Variants in SESN2 observed in about 807,000 individuals in gnomAD.
The protein encoded by SESN2 is sestrin 2.
A neutral mutation model predicts 56.0 loss-of-function variants in SESN2; 42 were observed. The observed-to-expected ratio is 0.75, with a 90% confidence interval of 0.59 to 0.97. The LOEUF (loss-of-function observed/expected upper bound fraction) is 0.97, where lower values mean the gene tolerates loss of function less well. SESN2 is among the 50% of genes least tolerant of loss of function. The pLI is 0.00. For missense variants in SESN2, 507 were observed against 649.4 expected, an observed-to-expected ratio of 0.78 and a Z score of 2.38; for synonymous variants, 264 against 267.1, an observed-to-expected ratio of 0.99 and a Z score of 0.11.
intron 5 of SESN2, 87 bp from the exon 6 acceptor site, chr1:28,273,271 A>C: frequency 1.5e-6 from 2 of 1,312,138 alleles, no homozygotes; most frequent in Non-Finnish European, 2.0e-6. Flanking sequence ...GAGCATTAGG[A>C]AGGCCTGGCC....
chr1:28,273,596 G>A, intron 6 of SESN2, 88 bp downstream of exon 6: 1 of 1,290,282 alleles, frequency 7.8e-7, no homozygotes. Flanking sequence ...CATTCCAGAG[G>A]CAGCCACTTC....
intron 6 of SESN2, 75 bp downstream of exon 6, chr1:28,273,583 C>A: frequency 7.3e-7 from 1 of 1,366,402 alleles, no homozygotes. Context: ...GAGCCACCTC[C>A]TGCATTCCAG....
At chr1:28,270,025 C>T (rs1179073961) in intron 2 of SESN2, among the ~76,000 whole-genome samples, 1 of 152,126 alleles carries the variant, frequency 6.6e-6, no homozygotes, top group Non-Finnish European at 1.5e-5. Context: ...AACTAGTTTC[C>T]TCATTTTATT....
At chr1:28,273,536 C>T (rs757289605) in intron 6 of SESN2, 28 bp downstream of exon 6, 11 of 1,533,184 alleles carry the variant, frequency 7.2e-6, no homozygotes, top group East Asian at 4.6e-5. Flanking sequence ...TCCAGGCTCC[C>T]GTGGCTGCTC....
chr1:28,263,209 C>G (rs1647441613), intron 1 of SESN2, among the ~76,000 whole-genome samples: 1 of 152,162 alleles, frequency 6.6e-6, no homozygotes, highest in Non-Finnish European at 1.5e-5. Flanking sequence ...CTGAATTGTG[C>G]CCATTTGGAA....
At chr1:28,275,226 T>A (rs1647989603) in intron 8 of SESN2, among the ~76,000 whole-genome samples, 3 of 152,162 alleles carry the variant, frequency 2.0e-5, no homozygotes, top group Admixed American at 2.0e-4. Context: ...GAGATAATTA[T>A]TGTTTGATAT....
Position 28,281,260 on chromosome 1 carries a change from T to G in SESN2, c.*458T>G. 6.3e-6 allele frequency: 1 copy of G among 157,636 alleles called. No homozygotes were observed. Among genetic ancestry groups the G allele is most frequent in the Non-Finnish European group, 1.4e-5 (1 of 71,390 alleles). The allele number at this position is 157,636 out of a possible 1,614,324, so 9.8% of individuals were successfully genotyped here. The stretch of plus-strand genomic sequence containing the variant: ...ATTTCCAGATTTCATTACCTCCTAC[T>G]TGCCATTCACCCATCAATGTGAAAG... On this transcript the variant is annotated 3_prime_UTR_variant, in exon 10 of 10. Transcript: ENST00000253063.
chr1:28,260,663 T>G (rs1647342821), intron 1 of SESN2, among the ~76,000 whole-genome samples: 1 of 151,870 alleles, frequency 6.6e-6, no homozygotes, highest in Non-Finnish European at 1.5e-5. Flanking sequence ...AAGTTTGTTT[T>G]CCAGAAATTC....
At chr1:28,275,429 C>T (rs913437773) in intron 8 of SESN2, among the ~76,000 whole-genome samples, 2 of 152,040 alleles carry the variant, frequency 1.3e-5, no homozygotes, top group African/African-American at 2.4e-5. Flanking sequence ...AATAATGATA[C>T]GTCTATTCAG....
chr1:28,273,223 G>A (rs1030349235), intron 5 of SESN2, 135 bp from the exon 6 acceptor site: 2 of 784,210 alleles, frequency 2.6e-6, no homozygotes, highest in Middle Eastern at 3.9e-4. Flanking sequence ...GTGCTGTCCA[G>A]CACAGTGGCT....
intron 2 of SESN2, among the ~76,000 whole-genome samples, chr1:28,271,202 C>T (rs962214301): frequency 1.2e-4 from 18 of 152,056 alleles, no homozygotes; most frequent in Non-Finnish European, 1.9e-4. Context: ...TGAAATCACG[C>T]GGAGAAAACT....
At chr1:28,271,619 C>A in intron 2 of SESN2, 55 bp from the exon 3 acceptor site, 1 of 1,427,832 alleles carries the variant, frequency 7.0e-7, no homozygotes. Context: ...ACATTGGTCT[C>A]TTTGATGAGT....
At position 28,272,330 on chromosome 1, in the gene SESN2, C is replaced by T; in HGVS notation, c.401C>T (p.Ala134Val). ...QCSYLVGSHM[A>V]EFLQTGGDPE... ...TCTTACCTGGTAGGCTCCCACATGGCCGAGTTTCTGCAGACTGGTGGTGAC... is the reference window on the plus strand; with the variant it reads ...TCTTACCTGGTAGGCTCCCACATGGTCGAGTTTCTGCAGACTGGTGGTGAC... Residue 134 changes from alanine to valine, a missense_variant, in exon 4 of 10, where the codon GCC becomes GTC. Transcript: ENST00000253063. The T allele has an allele frequency of 6.2e-7, 1 of 1,614,074 alleles. No individual in the cohort carries two copies. Among genetic ancestry groups the T allele is most frequent in the South Asian group, 1.1e-5 (1 of 91,086 alleles).
At chr1:28,260,420 C>A (rs576235210) in intron 1 of SESN2, among the ~76,000 whole-genome samples, 4 of 152,132 alleles carry the variant, frequency 2.6e-5, no homozygotes, top group Non-Finnish European at 5.9e-5. Context: ...GCTCCTGTCC[C>A]CCAGCGCGGG....
chr1:28,264,407 T>C (rs962232560), intron 1 of SESN2, among the ~76,000 whole-genome samples: 1 of 152,180 alleles, frequency 6.6e-6, no homozygotes, highest in Non-Finnish European at 1.5e-5. Context: ...GTGAAGACCT[T>C]CATGTTGAAT....
At chr1:28,274,485 C>T (rs1029348536) in intron 7 of SESN2, among the ~76,000 whole-genome samples, 8 of 151,918 alleles carry the variant, frequency 5.3e-5, no homozygotes, top group African/African-American at 9.7e-5. Context: ...GAGCTGTGAT[C>T]GCGCTACTGC....
intron 1 of SESN2, among the ~76,000 whole-genome samples, chr1:28,265,856 C>G (rs1017225319): frequency 2.6e-5 from 4 of 152,118 alleles, no homozygotes; most frequent in Non-Finnish European, 5.9e-5. Context: ...TTGCTGTCTT[C>G]TCATCATTTA....
chr1:28,260,418 C>T (rs939680400), intron 1 of SESN2, among the ~76,000 whole-genome samples: 2 of 152,110 alleles, frequency 1.3e-5, no homozygotes, highest in East Asian at 1.9e-4. Flanking sequence ...CGGCTCCTGT[C>T]CCCCAGCGCG....
intron 2 of SESN2, among the ~76,000 whole-genome samples, chr1:28,270,112 G>A (rs1647705345): frequency 6.6e-6 from 1 of 152,182 alleles, no homozygotes; most frequent in Admixed American, 6.5e-5. Flanking sequence ...AACACTTTGG[G>A]AGGCCGAGGC....
Sources: gnomAD v4.1 joint callset for allele counts (sites outside exome capture counted in the v4.1 genomes callset) on GRCh38, gnomAD v4.1.1 for gene constraint, MANE v1.5 for transcripts, NCBI Gene and HGNC (gene_info 2026-07-23, HGNC 2026-07-21) for gene names.